The following PDE5A variants were observed in gnomAD, a reference collection of about 807,000 sequenced individuals.
PDE5A encodes phosphodiesterase 5A.
A neutral mutation model predicts 110.2 loss-of-function variants in PDE5A; 67 were observed. That is an observed-to-expected ratio of 0.61 (90% CI 0.50 to 0.75). PDE5A has a LOEUF of 0.75. Among genes scored for constraint, PDE5A ranks in the 30% least tolerant of loss-of-function variants. The probability of loss-of-function intolerance (pLI) is 0.00; values close to 1 mark genes in which losing one functional copy is unlikely to be tolerated. For missense variants in PDE5A, 862 were observed against 1,045.1 expected, an observed-to-expected ratio of 0.82 and a Z score of 2.42; for synonymous variants, 328 against 351.2, an observed-to-expected ratio of 0.93 and a Z score of 0.74.
In PDE5A at chr4:119,543,709, G is replaced by C. The variant is rs1727031025; in HGVS notation, c.1397-1075C>G. ...TCAGATCATTGCTATCAGTGCCCTG[G>C]TTGCATCTTGCTTGCCCACACCTTT... On this transcript the variant is annotated intron_variant, in intron 9 of 20. Transcript: ENST00000354960. 2.0e-5 allele frequency: 3 copies of C among 152,576 alleles called. No individual in the cohort carries two copies. In the South Asian group the frequency reaches 6.2e-4, roughly 32 times the overall value. The allele number at this position is 152,576 out of a possible 1,614,324, so 9.5% of individuals were successfully genotyped here.
In PDE5A at chr4:119,502,654, A is replaced by T. The variant is rs114886951; in HGVS notation, c.2333T>A (p.Ile778Lys). 6.3e-7 allele frequency: 1 copy of T among 1,591,728 alleles called. No homozygotes were observed. The highest frequency in any genetic ancestry group is 8.6e-7 in the Non-Finnish European group (1 of 1,161,892). Residue 778 changes from isoleucine to lysine, a missense_variant and splice_region_variant, in exon 19 of 21, where the codon ATA becomes AAA. Physicochemically the swap from Ile to Lys is moderately radical, Grantham distance 102 (BLOSUM62 -3). Transcript: ENST00000354960. ...ITKPWPIQQR[I>K]AELVATEFFD... The stretch of plus-strand genomic sequence containing the variant: ...AAATTCAGTTGCTACAAGTTCTGCT[A>T]TCTGAAATAAATAACAGACTCAGTT...
intron 1 of PDE5A, among the ~76,000 whole-genome samples, chr4:119,628,303 G>GCAAGTACATTTTTGTATTTGAAT (rs1553931631): frequency 6.7e-6 from 1 of 149,262 alleles, no homozygotes; most frequent in Admixed American, 6.6e-5. Flanking sequence ...TGGGAGGTCG[G>GCAAGTACATTTTTGTATTTGAAT]CAAGTACATT....
At chr4:119,600,864 T>G (rs1286493229) in intron 2 of PDE5A, among the ~76,000 whole-genome samples, 1 of 152,132 alleles carries the variant, frequency 6.6e-6, no homozygotes, top group African/African-American at 2.4e-5. Context: ...TCTCAAAGTA[T>G]CTGCCCATAT....
chr4:119,602,068 T>A (rs899501893), intron 2 of PDE5A, among the ~76,000 whole-genome samples: 1 of 152,176 alleles, frequency 6.6e-6, no homozygotes, highest in Non-Finnish European at 1.5e-5. Context: ...ATTAATAGGA[T>A]GGGACAACTG....
chr4:119,610,969 CT>C (rs1465924117), intron 1 of PDE5A, among the ~76,000 whole-genome samples: 2 of 152,170 alleles, frequency 1.3e-5, no homozygotes, highest in Non-Finnish European at 2.9e-5. Context: ...CCCTACTTGG[CT>C]TTTCATTGAA....
intron 1 of PDE5A, among the ~76,000 whole-genome samples, chr4:119,620,132 T>C (rs1057439820): frequency 2.6e-5 from 4 of 152,206 alleles, no homozygotes; most frequent in African/African-American, 9.7e-5. Flanking sequence ...CAACATCTTC[T>C]TTTGAGAAGC....
At chr4:119,596,306 T>G (rs2110536930) in intron 3 of PDE5A, among the ~76,000 whole-genome samples, 1 of 152,176 alleles carries the variant, frequency 6.6e-6, no homozygotes, top group Middle Eastern at 3.4e-3. Flanking sequence ...ATGCATAAAA[T>G]TTATTTCTAA....
intron 3 of PDE5A, among the ~76,000 whole-genome samples, chr4:119,581,615 TC>T (rs1728591736): frequency 6.6e-6 from 1 of 152,200 alleles, no homozygotes. Flanking sequence ...GACATCTGTC[TC>T]ACTAGCGAAA....
intron 9 of PDE5A, chr4:119,548,516 T>C (rs1727222313): frequency 6.6e-6 from 1 of 152,216 alleles, no homozygotes; most frequent in Non-Finnish European, 1.5e-5. Context: ...GATAGAAATA[T>C]TGTTATCCCT....
chr4:119,620,962 C>G (rs1312654641), intron 1 of PDE5A, among the ~76,000 whole-genome samples: 1 of 152,138 alleles, frequency 6.6e-6, no homozygotes. Context: ...AGCTGACTTA[C>G]CATACTGTTT....
Position 119,627,013 on chromosome 4 carries a change from C to T in PDE5A, c.152+1507G>A. 2.1e-6 allele frequency: 2 copies of T among 934,378 alleles called. No individual in the cohort carries two copies. The highest frequency in any genetic ancestry group is 3.3e-6 in the Non-Finnish European group (2 of 615,022). 57.9% of individuals were successfully genotyped at this position (934,378 alleles called of 1,614,324 possible). ...GCAAGAGAGCAAAGAATAACAACAA[C>T]AACAAAAGTTATACAGTCAATTTTC... is the stretch of plus-strand genomic sequence containing the variant. On this transcript the variant is annotated intron_variant, in intron 1 of 20. Transcript: ENST00000354960. The surrounding 1 kb of genome is among the most constrained non-coding windows in gnomAD (Gnocchi z 4.6).
At chr4:119,565,212 C>A in intron 5 of PDE5A, 109 bp downstream of exon 5, 7 of 690,932 alleles carry the variant, frequency 1.0e-5, no homozygotes, top group East Asian at 5.7e-5. Flanking sequence ...TATTGAGAAA[C>A]TGAATCTGTA....
At chr4:119,542,316 C>T (rs1010739) in intron 10 of PDE5A, 143 bp downstream of exon 10, 178,359 of 657,558 alleles carry the variant, frequency 0.27, 24,987 homozygotes, top group East Asian at 0.35. Context: ...TAGTTGAGGA[C>T]AATAAGGATC....
chr4:119,514,550 A>G (rs926421306), intron 14 of PDE5A, among the ~76,000 whole-genome samples: 1 of 143,982 alleles, frequency 6.9e-6, no homozygotes, highest in Non-Finnish European at 1.5e-5. Context: ...ATGATGATTC[A>G]TTTCACCTTT....
chr4:119,605,578 C>T (rs534146700), intron 2 of PDE5A, among the ~76,000 whole-genome samples: 2 of 151,754 alleles, frequency 1.3e-5, no homozygotes, highest in African/African-American at 4.8e-5. Flanking sequence ...ATCTGGGAGG[C>T]AAAGGTTGCA....
chr4:119,561,582 T>C (rs1460106990), intron 6 of PDE5A, among the ~76,000 whole-genome samples: 1 of 152,084 alleles, frequency 6.6e-6, no homozygotes, highest in African/African-American at 2.4e-5. Context: ...AAAAATTAAA[T>C]GCAAAAAGTG....
chr4:119,605,896 A>C (rs187331085), intron 2 of PDE5A, among the ~76,000 whole-genome samples: 25 of 152,356 alleles, frequency 1.6e-4, no homozygotes, highest in Admixed American at 8.5e-4. Context: ...TTACCACTGA[A>C]TCTTTATAGT....
Position 119,539,026 on chromosome 4 carries a change from G to A in PDE5A, c.1573-7C>T. 5 of 1,610,760 alleles carry A rather than the reference G, an allele frequency of 3.1e-6. No homozygotes were observed. In the East Asian group the frequency reaches 1.1e-4, roughly 36 times the overall value. Reference sequence around the variant, plus strand: ...AAGCATGATACGACAGAACCTACAGGGTAGGAAAAGAAGTCCAGGTTACAC... The same window carrying A: ...AAGCATGATACGACAGAACCTACAGAGTAGGAAAAGAAGTCCAGGTTACAC... On this transcript the variant is annotated splice_polypyrimidine_tract_variant and splice_region_variant and intron_variant, in intron 10 of 20. Transcript: ENST00000354960.
intron 20 of PDE5A, chr4:119,499,926 AG>A (rs1240529528): frequency 6.6e-6 from 1 of 152,120 alleles, no homozygotes; most frequent in Non-Finnish European, 1.5e-5. Context: ...AGTATCACAT[AG>A]AATTTTCAAC....
Sources: gnomAD v4.1 joint callset for allele counts (sites outside exome capture counted in the v4.1 genomes callset) on GRCh38, gnomAD v4.1.1 for gene constraint, Gnocchi (gnomAD v3.1) non-coding constraint, MANE v1.5 for transcripts, NCBI Gene and HGNC (gene_info 2026-07-23, HGNC 2026-07-21) for gene names.